MAN2B2: variants seen among roughly 807,000 people sequenced by gnomAD.
The protein encoded by MAN2B2 is mannosidase alpha class 2B member 2.
A neutral mutation model predicts 117.1 loss-of-function variants in MAN2B2; 106 were observed. The observed-to-expected ratio is 0.90, with a 90% CI of 0.77 to 1.06. MAN2B2 has a LOEUF of 1.06. MAN2B2 is among the 50% of genes least tolerant of loss of function. The probability of loss-of-function intolerance (pLI) is 0.00; values close to 1 mark genes in which losing one functional copy is unlikely to be tolerated. For synonymous variants in MAN2B2, 544 were observed against 595.1 expected (o/e 0.91, Z 1.25); for missense variants, 1,326 against 1,381.4 (o/e 0.96, Z 0.64).
chr4:6,586,589 T>C lies in MAN2B2; in HGVS notation c.392-407T>C, dbSNP rs374176594. On this transcript the variant is annotated intron_variant, in intron 3 of 18. Coordinates refer to ENST00000285599, the MANE Select transcript of MAN2B2 (RefSeq NM_015274.3). ...CTGATGCTGTGTGATTCCGCTGATA[T>C]CTACAGGCATCAAATTCATGCAGTC... Among the ~76,000 whole-genome samples the C allele has an allele frequency of 2.8e-4, 42 of 152,168 alleles. No homozygotes were observed. In the South Asian group the frequency reaches 8.5e-3, roughly 31 times the overall value.
intron 5 of MAN2B2, among the ~76,000 whole-genome samples, chr4:6,590,886 C>CACCTG (rs1726831930): frequency 6.6e-6 from 1 of 152,086 alleles, no homozygotes; most frequent in South Asian, 2.1e-4. Context: ...CAGTGGCTCA[C>CACCTG]ACCTGTAATC....
intron 3 of MAN2B2, 22 bp downstream of exon 3, chr4:6,578,520 C>A (rs1577268681): frequency 6.3e-7 from 1 of 1,591,020 alleles, no homozygotes; most frequent in Non-Finnish European, 8.6e-7. Flanking sequence ...CTACCCTGCA[C>A]CCAGGGTCCC....
At chr4:6,599,916 T>C (rs906390118) in intron 9 of MAN2B2, among the ~76,000 whole-genome samples, 1 of 152,224 alleles carries the variant, frequency 6.6e-6, no homozygotes, top group African/African-American at 2.4e-5. Flanking sequence ...CTGGCTTCAC[T>C]GCCAGGTGGG....
At position 6,597,252 on chromosome 4, in the gene MAN2B2, C is replaced by T. The variant is rs770807032; in HGVS notation, c.1197C>T (p.Asp399=). The change falls in exon 8 of 19, where the codon GAC becomes GAT. Residue 399 remains aspartate (D), a synonymous_variant. Transcript: ENST00000285599. ...YLWPAPRGHL[D]PTWALQQLQQ... The stretch of plus-strand genomic sequence containing the variant: ...GGCCGGCCCCCCGTGGGCATCTGGA[C>T]CCCACCTGGGCCCTGCAGCAGCTCC... 6.2e-7 allele frequency: 1 copy of T among 1,600,140 alleles called. No homozygotes were observed. The highest frequency in any genetic ancestry group is 1.7e-4 in the Middle Eastern group (1 of 5,980).
intron 16 of MAN2B2, among the ~76,000 whole-genome samples, chr4:6,615,453 A>G (rs1287003790): frequency 2.6e-5 from 4 of 152,110 alleles, no homozygotes; most frequent in African/African-American, 9.7e-5. Flanking sequence ...TTGGGCAGTC[A>G]TTCCCCTGTG....
In MAN2B2 at chr4:6,611,188, C is replaced by T. The variant is rs751850391; in HGVS notation, c.2473C>T (p.Leu825=). 1 of 1,613,980 alleles carries T rather than the reference C, an allele frequency of 6.2e-7. No homozygotes were observed. Among genetic ancestry groups the T allele is most frequent in the Non-Finnish European group, 8.5e-7 (1 of 1,180,034 alleles). Residue 825 remains leucine, a synonymous_variant, in exon 15 of 19, where the codon CTG becomes TTG. Coordinates refer to ENST00000285599, the MANE Select transcript of MAN2B2 (RefSeq NM_015274.3). ...CGTCCACCCAGTGCTCTGGCTTCTG[C>T]TGGGATCCTGGTCCCTCACCACTGC... ...SVVHPVLWLL[L]GSWSLTTALR...
At position 6,611,207 on chromosome 4, in the gene MAN2B2, C is replaced by T; in HGVS notation, c.2492C>T (p.Thr831Ile). ...LWLLLGSWSL[T>I]TALRQRSALA... Reference sequence around the variant, plus strand: ...CTTCTGCTGGGATCCTGGTCCCTCACCACTGCCCTGCGCCAGAGGAGCGCA... The same window carrying T: ...CTTCTGCTGGGATCCTGGTCCCTCATCACTGCCCTGCGCCAGAGGAGCGCA... The change falls in exon 15 of 19, where the codon ACC becomes ATC. Residue 831 changes from threonine to isoleucine, a missense_variant. Transcript: ENST00000285599. 7 of 1,613,904 alleles carry T rather than the reference C, an allele frequency of 4.3e-6. No individual in the cohort carries two copies. The highest frequency in any genetic ancestry group is 5.9e-6 in the Non-Finnish European group (7 of 1,180,028).
chr4:6,579,289 TCACCACCACCATCACCACCACCAC>T (rs1726294706), intron 3 of MAN2B2, among the ~76,000 whole-genome samples: 2 of 14,854 alleles, frequency 1.3e-4, no homozygotes, highest in African/African-American at 4.5e-4. Flanking sequence ...ACCATCACCA[TCACCACCACCATCACCACCACCAC>T]CACCATCACC....
At position 6,578,377 on chromosome 4, in the gene MAN2B2, G is replaced by A. The variant is rs1726151078; in HGVS notation, c.286-16G>A. 20 of 1,603,964 alleles carry A rather than the reference G, an allele frequency of 1.2e-5. No individual in the cohort carries two copies. Among genetic ancestry groups the A allele is most frequent in the Non-Finnish European group, 1.6e-5 (19 of 1,173,404 alleles). ...AGCCGTAACTGGCTTTTTTCTCTCT[G>A]CCTGCCCATGTCAAGGTCCGCCAGC... On this transcript the variant is annotated splice_polypyrimidine_tract_variant and intron_variant, in intron 2 of 18. Transcript: ENST00000285599.
Position 6,600,090 on chromosome 4 carries a change from G to A in MAN2B2, c.1406-533G>A, listed in dbSNP as rs541188257. Among the ~76,000 whole-genome samples, 9 of 152,338 alleles carry A rather than the reference G, an allele frequency of 5.9e-5. No homozygotes were observed. In the South Asian group the frequency reaches 1.9e-3, roughly 32 times the overall value. On this transcript the variant is annotated intron_variant, in intron 9 of 18. Coordinates refer to ENST00000285599, the MANE Select transcript of MAN2B2 (RefSeq NM_015274.3). The stretch of plus-strand genomic sequence containing the variant: ...GGTTCAGGGATCCAGGAGTTCTCAG[G>A]TGTGGCCAGACCTCACACACATGGG...
intron 15 of MAN2B2, among the ~76,000 whole-genome samples, chr4:6,613,236 C>A (rs1185929054): frequency 6.6e-6 from 1 of 152,090 alleles, no homozygotes; most frequent in Non-Finnish European, 1.5e-5. Flanking sequence ...GCCTTCTGAG[C>A]AGAGAGACCA....
intron 15 of MAN2B2, among the ~76,000 whole-genome samples, chr4:6,611,735 A>G (rs6446515): frequency 0.17 from 26,538 of 152,156 alleles, 2,433 homozygotes; most frequent in Admixed American, 0.25. Flanking sequence ...CAGAGGTTGC[A>G]GGGAGCTGAG....
At chr4:6,593,520 A>G (rs1726942073) in intron 6 of MAN2B2, among the ~76,000 whole-genome samples, 170 bp downstream of exon 6, 1 of 151,978 alleles carries the variant, frequency 6.6e-6, no homozygotes, top group Non-Finnish European at 1.5e-5. Context: ...CCACTCTACC[A>G]GCCCCTCCCC....
At chr4:6,582,036 CAG>C (rs1190423213) in intron 3 of MAN2B2, among the ~76,000 whole-genome samples, 2 of 152,046 alleles carry the variant, frequency 1.3e-5, no homozygotes, top group Non-Finnish European at 2.9e-5. Context: ...GGAGGCCCAG[CAG>C]AGTGGCAGGT....
In MAN2B2 at chr4:6,597,317, T is replaced by C. The variant is rs1727143975; in HGVS notation, c.1248+14T>C. The stretch of plus-strand genomic sequence containing the variant: ...GCCGTCTCCGAGGTAACACCACATT[T>C]AGCCACAGTGGCAGGATTGGAACCT... On this transcript the variant is annotated intron_variant, in intron 8 of 18. Coordinates refer to ENST00000285599, the MANE Select transcript of MAN2B2 (RefSeq NM_015274.3). 5 of 1,523,392 alleles carry C rather than the reference T, an allele frequency of 3.3e-6. No individual in the cohort carries two copies. The highest frequency in any genetic ancestry group is 1.9e-4 in the Middle Eastern group (1 of 5,402). 94.4% of individuals were successfully genotyped at this position (1,523,392 alleles called of 1,614,324 possible). A position where few individuals can be genotyped will look rare whatever the true frequency, so the allele number is the denominator to read the frequency against.
chr4:6,598,049 C>T, intron 8 of MAN2B2, 149 bp from the exon 9 acceptor site: 1 of 811,372 alleles, frequency 1.2e-6, no homozygotes, highest in Non-Finnish European at 1.9e-6. Flanking sequence ...GGCCTCAGTT[C>T]CTCCTTCTGT....
chr4:6,614,280 C>T lies in MAN2B2; in HGVS notation c.2626C>T (p.His876Tyr). 1 of 1,614,172 alleles carries T rather than the reference C, an allele frequency of 6.2e-7. No individual in the cohort carries two copies. Among genetic ancestry groups the T allele is most frequent in the Non-Finnish European group, 8.5e-7 (1 of 1,180,012 alleles). Residue 876 changes from histidine (H) to tyrosine (Y), a missense_variant, in exon 16 of 19, where the codon CAC becomes TAC. By Grantham distance (83) the His-to-Tyr change is moderately conservative (BLOSUM62 2). Coordinates refer to ENST00000285599, the MANE Select transcript of MAN2B2 (RefSeq NM_015274.3). Reference sequence around the variant, plus strand: ...GGCCGTGACGCTGCCCCCGAATCTTCACCTGCAGATCCTGAGCATCCCTGG... The same window carrying T: ...GGCCGTGACGCTGCCCCCGAATCTTTACCTGCAGATCCTGAGCATCCCTGG... ...QEAVTLPPNLHLQILSIPGWR... is the reference protein window; with the variant it reads ...QEAVTLPPNLYLQILSIPGWR...
intron 1 of MAN2B2, 95 bp downstream of exon 1, chr4:6,575,443 G>A: frequency 2.0e-6 from 2 of 982,834 alleles, no homozygotes; most frequent in Non-Finnish European, 2.8e-6. Context: ...GCCCGATGCC[G>A]GCGCAGAAGG....
At chr4:6,579,201 CCATCA>C (rs1726267326) in intron 3 of MAN2B2, among the ~76,000 whole-genome samples, 1 of 67,480 alleles carries the variant, frequency 1.5e-5, no homozygotes. Flanking sequence ...AGCACCACCA[CCATCA>C]CCATCACCAC....
Sources: gnomAD v4.1 joint callset for allele counts (sites outside exome capture counted in the v4.1 genomes callset) on GRCh38, gnomAD v4.1.1 for gene constraint, MANE v1.5 for transcripts, NCBI Gene and HGNC (gene_info 2026-07-23, HGNC 2026-07-21) for gene names.